Variants in RGS9 observed in about 807,000 individuals in gnomAD.
RGS9 encodes the protein regulator of G-protein signalling 9.
Under a neutral mutation model 102.0 loss-of-function variants are expected in RGS9, and 78 were observed. The ratio of observed to expected loss-of-function variants is 0.76; its 90% CI spans 0.64 to 0.92. RGS9 has a LOEUF of 0.92. Ranked by LOEUF, RGS9 falls within the 40% of genes least tolerant of loss-of-function variation. The probability of loss-of-function intolerance (pLI) is 0.00; values close to 1 mark genes in which losing one functional copy is unlikely to be tolerated. For missense variants in RGS9, 833 were observed against 866.1 expected (o/e 0.96, Z 0.48); for synonymous variants, 353 against 318.6 (o/e 1.11, Z -1.15).
chr17:65,166,608 A>G (rs1441867534), intron 7 of RGS9, among the ~76,000 whole-genome samples: 1 of 152,222 alleles, frequency 6.6e-6, no homozygotes, highest in Non-Finnish European at 1.5e-5. Context: ...TTCCTAGGTT[A>G]CTAACTCTCT....
chr17:65,159,788 T>C (rs1910908010), intron 3 of RGS9, among the ~76,000 whole-genome samples: 2 of 152,222 alleles, frequency 1.3e-5, no homozygotes, highest in South Asian at 4.1e-4. Flanking sequence ...GAGCTTGGGA[T>C]AGAAGTTGGC....
chr17:65,184,987 A>T (rs1464090936), intron 9 of RGS9, among the ~76,000 whole-genome samples: 4 of 151,994 alleles, frequency 2.6e-5, no homozygotes, highest in Non-Finnish European at 5.9e-5. Context: ...CTCTGTCCTC[A>T]GCCTCCAGTA....
intron 1 of RGS9, among the ~76,000 whole-genome samples, chr17:65,145,750 G>C (rs1481072368): frequency 6.6e-6 from 1 of 152,036 alleles, no homozygotes; most frequent in Non-Finnish European, 1.5e-5. Context: ...CTGAGGTACT[G>C]GGGTTAGGAC....
chr17:65,157,682 G>A (rs915591068), intron 2 of RGS9, among the ~76,000 whole-genome samples: 2 of 152,038 alleles, frequency 1.3e-5, no homozygotes, highest in Admixed American at 6.6e-5. Flanking sequence ...AATCAACTAG[G>A]ATAGGTCCCA....
At chr17:65,215,740 C>T (rs1312233281) in intron 17 of RGS9, among the ~76,000 whole-genome samples, 7 of 151,518 alleles carry the variant, frequency 4.6e-5, no homozygotes, top group African/African-American at 1.7e-4. Flanking sequence ...TTTGTATTTT[C>T]AGTAGAGACA....
At chr17:65,226,325 T>C (rs1254466601) in intron 18 of RGS9, among the ~76,000 whole-genome samples, 1 of 152,132 alleles carries the variant, frequency 6.6e-6, no homozygotes, top group Non-Finnish European at 1.5e-5. Context: ...GAAAGCACCA[T>C]GCAGAAGTCT....
At chr17:65,170,202 GCAC>G (rs1458959397) in intron 8 of RGS9, among the ~76,000 whole-genome samples, 2 of 151,956 alleles carry the variant, frequency 1.3e-5, no homozygotes, top group East Asian at 3.9e-4. Context: ...TTACAGGCAT[GCAC>G]CACCATGTCC....
chr17:65,163,389 T>C (rs1250116109), intron 7 of RGS9, among the ~76,000 whole-genome samples: 2 of 152,000 alleles, frequency 1.3e-5, no homozygotes, highest in African/African-American at 4.8e-5. Context: ...AGACGGGGTT[T>C]CACCATGTTG....
intron 17 of RGS9, among the ~76,000 whole-genome samples, chr17:65,224,564 A>G (rs61534937): frequency 0.074 from 11,254 of 152,274 alleles, 1,367 homozygotes; most frequent in African/African-American, 0.25. Flanking sequence ...TCCACTTATC[A>G]GCTAAAAGTG....
intron 8 of RGS9, among the ~76,000 whole-genome samples, chr17:65,170,092 TCACCCAG>T (rs1250378759): frequency 2.0e-5 from 3 of 149,484 alleles, no homozygotes; most frequent in Non-Finnish European, 4.4e-5. Context: ...CCTTGCTCTG[TCACCCAG>T]GCTGGAGTGC....
intron 17 of RGS9, among the ~76,000 whole-genome samples, chr17:65,216,278 G>A (rs924998022): frequency 3.3e-5 from 5 of 152,076 alleles, no homozygotes; most frequent in Admixed American, 1.3e-4. Flanking sequence ...TTTTTTTTAA[G>A]CATTAAATTT....
intron 9 of RGS9, among the ~76,000 whole-genome samples, chr17:65,181,194 C>CTATTA (rs1911872452): frequency 6.6e-6 from 1 of 152,174 alleles, no homozygotes; most frequent in Non-Finnish European, 1.5e-5. Context: ...AATGGTAATT[C>CTATTA]TATTTTAAGT....
At chr17:65,144,795 T>C (rs1409091893) in intron 1 of RGS9, among the ~76,000 whole-genome samples, 1 of 152,182 alleles carries the variant, frequency 6.6e-6, no homozygotes, top group Non-Finnish European at 1.5e-5. Flanking sequence ...TGATTGAATA[T>C]AGGACACAGA....
chr17:65,221,643 C>T (rs1913709288), intron 17 of RGS9, among the ~76,000 whole-genome samples: 1 of 152,216 alleles, frequency 6.6e-6, no homozygotes, highest in Non-Finnish European at 1.5e-5. Context: ...GTTCAAGGGG[C>T]TGTAAGGGAA....
intron 8 of RGS9, among the ~76,000 whole-genome samples, chr17:65,172,911 T>C (rs1008429810): frequency 6.7e-6 from 1 of 148,258 alleles, no homozygotes; most frequent in African/African-American, 2.5e-5. Flanking sequence ...CTATTTCTTT[T>C]TTCTTTCTTT....
intron 9 of RGS9, among the ~76,000 whole-genome samples, chr17:65,185,838 AC>A (rs1185611208): frequency 6.6e-6 from 1 of 152,110 alleles, no homozygotes; most frequent in African/African-American, 2.4e-5. Context: ...CCAAAGGGAG[AC>A]CCCCTAGAGG....
chr17:65,140,534 A>C lies in RGS9; in HGVS notation c.57+2937A>C, dbSNP rs533802109. ...TGGTTTTATCTCATACGGAGCCACT[A>C]TAGAAATTGGAATGGGCAAGTGATA... On this transcript the variant is annotated intron_variant, in intron 1 of 18. Transcript: ENST00000262406. Among the ~76,000 whole-genome samples the C allele has an allele frequency of 9.8e-5, 15 of 152,308 alleles. No individual in the cohort carries two copies. In the East Asian group the frequency reaches 2.9e-3, roughly 29 times the overall value.
intron 9 of RGS9, among the ~76,000 whole-genome samples, chr17:65,184,743 T>TTTTCC (rs375940429): frequency 2.4e-4 from 37 of 151,962 alleles, no homozygotes; most frequent in African/African-American, 7.3e-4. Flanking sequence ...TTCTTTTTTC[T>TTTTCC]TTTCCTTTCC....
intron 9 of RGS9, among the ~76,000 whole-genome samples, chr17:65,186,990 C>T (rs1022048594): frequency 6.6e-6 from 1 of 152,096 alleles, no homozygotes; most frequent in African/African-American, 2.4e-5. Context: ...CCACTCTGGC[C>T]CCAGGGTCCT....
Sources: gnomAD v4.1 joint callset for allele counts (sites outside exome capture counted in the v4.1 genomes callset) on GRCh38, gnomAD v4.1.1 for gene constraint, MANE v1.5 for transcripts, NCBI Gene and HGNC (gene_info 2026-07-23, HGNC 2026-07-21) for gene names.